CLEC19A: variants seen among roughly 807,000 people sequenced by gnomAD.
CLEC19A encodes the protein C-type lectin domain family 19 member A.
CLEC19A carries 21 observed loss-of-function variants against 26.1 expected under a neutral mutation model. The ratio of observed to expected loss-of-function variants is 0.80; its 90% CI spans 0.57 to 1.16. The LOEUF is 1.16. Among genes scored for constraint, CLEC19A ranks in the 50% most tolerant of loss-of-function variants. CLEC19A has a pLI of 0.00. For missense variants in CLEC19A, 224 were observed against 227.6 expected, an observed-to-expected ratio of 0.98 and a Z score of 0.10; for synonymous variants, 89 against 88.6, an observed-to-expected ratio of 1.00 and a Z score of -0.03.
chr16:19,306,657 A>G (rs179224), intron 3 of CLEC19A, among the ~76,000 whole-genome samples: 8,294 of 152,260 alleles, frequency 0.054, 398 homozygotes, highest in East Asian at 0.27. Context: ...GCTGGGCACC[A>G]TGTGTCAGGC....
At chr16:19,306,350 T>C (rs1897954456) in intron 3 of CLEC19A, among the ~76,000 whole-genome samples, 1 of 151,918 alleles carries the variant, frequency 6.6e-6, no homozygotes, top group African/African-American at 2.4e-5. Flanking sequence ...TCCCACTATG[T>C]TGCCCAGGAT....
rs1482802589 is a variant in CLEC19A, at chr16:19,310,523, C to T, written c.*1440C>T. Reference sequence around the variant, plus strand: ...ACAGCAGCATTATTGATAAAAACCACAAAAAAAATGAAGACAACCCAAGTG... The same window carrying T: ...ACAGCAGCATTATTGATAAAAACCATAAAAAAAATGAAGACAACCCAAGTG... On this transcript the variant is annotated 3_prime_UTR_variant, in exon 5 of 5. Coordinates refer to ENST00000636231, the MANE Select transcript of CLEC19A (RefSeq NM_001256720.2). The T allele has an allele frequency of 6.6e-6, 1 of 151,656 alleles. No individual in the cohort carries two copies. The highest frequency in any genetic ancestry group is 1.5e-5 in the Non-Finnish European group (1 of 67,888). 9.4% of individuals were successfully genotyped at this position (151,656 alleles called of 1,614,324 possible). A position where few individuals can be genotyped will look rare whatever the true frequency, so the allele number is the denominator to read the frequency against.
intron 2 of CLEC19A, 100 bp downstream of exon 2, chr16:19,298,938 A>C: frequency 2.3e-6 from 3 of 1,286,646 alleles, no homozygotes; most frequent in Non-Finnish European, 3.1e-6. Flanking sequence ...TTGGTAATTG[A>C]AACTATTTGA....
intron 2 of CLEC19A, among the ~76,000 whole-genome samples, chr16:19,299,185 G>A (rs1306619377): frequency 6.6e-6 from 1 of 152,168 alleles, no homozygotes; most frequent in Non-Finnish European, 1.5e-5. Context: ...ACCTTTATAA[G>A]TGCCAGTCTT....
intron 1 of CLEC19A, among the ~76,000 whole-genome samples, chr16:19,295,050 C>T (rs1024137396): frequency 6.6e-6 from 1 of 152,096 alleles, no homozygotes; most frequent in Non-Finnish European, 1.5e-5. Context: ...CCACCACTTC[C>T]AGTGGTGATA....
At chr16:19,287,504 G>A (rs959732271) in intron 1 of CLEC19A, among the ~76,000 whole-genome samples, 2 of 152,136 alleles carry the variant, frequency 1.3e-5, no homozygotes, top group African/African-American at 4.8e-5. Context: ...GCAGTGACTT[G>A]CCTCCTTACT....
intron 4 of CLEC19A, among the ~76,000 whole-genome samples, chr16:19,308,773 T>G (rs183053577): frequency 7.5e-4 from 114 of 152,250 alleles, no homozygotes; most frequent in African/African-American, 1.9e-3. Context: ...GTAGCCAGAG[T>G]TGGGCCAAGC....
At chr16:19,301,727 GTTTTTTTGGTTTTTTTTTTTTTTT>G (rs2097142635) in intron 2 of CLEC19A, among the ~76,000 whole-genome samples, 2 of 28,556 alleles carry the variant, frequency 7.0e-5, no homozygotes, top group Non-Finnish European at 1.6e-4. Context: ...CCATGCCCAG[GTTTTTTTGGTTTTTTTTTTTTTTT>G]TTTTTTTTTT....
chr16:19,304,149 C>G lies in CLEC19A; in HGVS notation c.342C>G (p.His114Gln). The change falls in exon 3 of 5, where the codon CAC (histidine) becomes CAG (glutamine). Residue 114 changes from histidine (H) to glutamine (Q), a missense_variant. Transcript: ENST00000636231. ...PADVWTGLHD[H>Q]RQEGQFEWTD... ...ACGTCTGGACAGGCCTTCATGATCA[C>G]AGACAGGTGAGAAAGCAGTGGCCAT... The G allele has an allele frequency of 6.4e-7, 1 of 1,550,540 alleles. No individual in the cohort carries two copies. Among genetic ancestry groups the G allele is most frequent in the Non-Finnish European group, 8.7e-7 (1 of 1,146,918 alleles).
At chr16:19,298,571 A>G in intron 1 of CLEC19A, 102 bp from the exon 2 acceptor site, 1 of 1,279,344 alleles carries the variant, frequency 7.8e-7, no homozygotes, top group Non-Finnish European at 1.1e-6. Context: ...GTCTCTTAAA[A>G]AAAATTAAAA....
chr16:19,304,119 AGCTGACGTCT>A lies in CLEC19A; in HGVS notation c.314_323del (p.Ala105GlyfsTer55), dbSNP rs1897894835. 1 of 1,550,524 alleles carries A rather than the reference AGCTGACGTCT, an allele frequency of 6.4e-7. No homozygotes were observed. Among genetic ancestry groups the A allele is most frequent in the Non-Finnish European group, 8.7e-7 (1 of 1,146,992 alleles). On this transcript the variant is annotated frameshift_variant, in exon 3 of 5. Coordinates refer to ENST00000636231, the MANE Select transcript of CLEC19A (RefSeq NM_001256720.2). LOFTEE classifies it high-confidence loss of function. ...TGAACAGCTGTGTTCCCGGCATCCC[AGCTGACGTCT>A]GGACAGGCCTTCATGATCACAGACA...
At chr16:19,302,468 G>A (rs183439498) in intron 2 of CLEC19A, among the ~76,000 whole-genome samples, 2 of 152,184 alleles carry the variant, frequency 1.3e-5, no homozygotes, top group Non-Finnish European at 1.5e-5. Flanking sequence ...AATTATTGAA[G>A]CTGATGGGAG....
intron 1 of CLEC19A, 172 bp from the exon 2 acceptor site, chr16:19,298,501 G>A: frequency 3.1e-6 from 2 of 648,504 alleles, no homozygotes; most frequent in East Asian, 2.8e-5. Context: ...GAGAGTTGGA[G>A]GCTGCAATGA....
chr16:19,303,193 A>C (rs1453077525), intron 2 of CLEC19A, among the ~76,000 whole-genome samples: 4 of 152,218 alleles, frequency 2.6e-5, no homozygotes, highest in Non-Finnish European at 5.9e-5. Flanking sequence ...TCAGTGCTCA[A>C]GAAACATTTT....
At chr16:19,298,264 G>A (rs1041612385) in intron 1 of CLEC19A, among the ~76,000 whole-genome samples, 4 of 138,564 alleles carry the variant, frequency 2.9e-5, no homozygotes, top group African/African-American at 7.9e-5. Context: ...AAAAAAGTAT[G>A]TACAGGCAGG....
chr16:19,298,027 G>T (rs567934241), intron 1 of CLEC19A, among the ~76,000 whole-genome samples: 2 of 151,902 alleles, frequency 1.3e-5, no homozygotes, highest in Non-Finnish European at 2.9e-5. Flanking sequence ...GAGGCGGGCG[G>T]ATCACCTGAG....
chr16:19,303,770 C>G (rs1481171854), intron 2 of CLEC19A: 1 of 289,794 alleles, frequency 3.5e-6, no homozygotes, highest in East Asian at 6.0e-5. Context: ...GTCTCTTCAT[C>G]ATATCTTCAA....
intron 4 of CLEC19A, among the ~76,000 whole-genome samples, chr16:19,308,294 C>A (rs953450915): frequency 1.3e-5 from 2 of 152,172 alleles, no homozygotes; most frequent in Non-Finnish European, 2.9e-5. Context: ...CGGGAGTTGA[C>A]TGCCCTTGTG....
rs1171248968 is a variant in CLEC19A, at chr16:19,301,736, G to GTTT, written c.255-2300_255-2298dup. Among the ~76,000 whole-genome samples, 327 of 81,438 alleles carry GTTT rather than the reference G, an allele frequency of 4.0e-3. 16 individuals are homozygous for GTTT. Among genetic ancestry groups the GTTT allele is most frequent in the African/African-American group, 7.8e-3 (164 of 20,904 alleles). 53.4% of individuals were successfully genotyped at this position (81,438 alleles called of 152,430 possible). ...ATGACACCATGCCCAGGTTTTTTTG[G>GTTT]TTTTTTTTTTTTTTTTTTTTTTTTT... On this transcript the variant is annotated intron_variant, in intron 2 of 4. Transcript: ENST00000636231.
Sources: gnomAD v4.1 joint callset for allele counts (sites outside exome capture counted in the v4.1 genomes callset) on GRCh38, gnomAD v4.1.1 for gene constraint, MANE v1.5 for transcripts, NCBI Gene and HGNC (gene_info 2026-07-23, HGNC 2026-07-21) for gene names.